Variants in LRRTM4 observed in about 807,000 individuals in gnomAD.
LRRTM4 encodes leucine-rich repeat transmembrane neuronal protein 4.
LRRTM4 carries 25 observed loss-of-function variants against 47.6 expected under a neutral mutation model. That is an observed-to-expected ratio of 0.53 (90% CI 0.38 to 0.73). LRRTM4 has a LOEUF of 0.73. Ranked by LOEUF, LRRTM4 falls within the 30% of genes least tolerant of loss-of-function variation. The pLI, the probability that LRRTM4 is intolerant of heterozygous loss-of-function variation, is 0.00. For synonymous variants in LRRTM4, 311 were observed against 269.5 expected, an observed-to-expected ratio of 1.15 and a Z score of -1.51; for missense variants, 638 against 713.4, an observed-to-expected ratio of 0.89 and a Z score of 1.20.
chr2:76,796,655 T>C, intron 3 of LRRTM4, among the ~76,000 whole-genome samples: 1 of 107,306 alleles, frequency 9.3e-6, no homozygotes, highest in Non-Finnish European at 1.8e-5. Flanking sequence ...CAAAATCCCA[T>C]CTGTGCATCA....
At chr2:76,877,609 TCAGGAATATATAACAAGAA>T (rs1672813322) in intron 3 of LRRTM4, among the ~76,000 whole-genome samples, 2 of 152,162 alleles carry the variant, frequency 1.3e-5, no homozygotes, top group African/African-American at 4.8e-5. Flanking sequence ...TCGGTTTATT[TCAGGAATATATAACAAGAA>T]AATTGACTAT....
intron 3 of LRRTM4, among the ~76,000 whole-genome samples, chr2:77,507,841 G>A (rs777951332): frequency 3.9e-5 from 6 of 152,078 alleles, no homozygotes; most frequent in South Asian, 2.1e-4. Flanking sequence ...CTTAATCACC[G>A]AAGACAAGGT....
At chr2:76,919,420 T>C (rs1421006221) in intron 3 of LRRTM4, among the ~76,000 whole-genome samples, 1 of 152,160 alleles carries the variant, frequency 6.6e-6, no homozygotes. Flanking sequence ...GAGTTCATCT[T>C]CCAGGAGGTA....
intron 3 of LRRTM4, among the ~76,000 whole-genome samples, chr2:77,251,140 TATATATGTGTGTATATATAC>T (rs1184926421): frequency 1.4e-5 from 2 of 141,092 alleles, no homozygotes; most frequent in Admixed American, 7.1e-5. Flanking sequence ...TATATATGTA[TATATATGTGTGTATATATAC>T]ATATATATGT....
At chr2:77,275,508 T>C (rs1266533541) in intron 3 of LRRTM4, among the ~76,000 whole-genome samples, 1 of 152,142 alleles carries the variant, frequency 6.6e-6, no homozygotes, top group Non-Finnish European at 1.5e-5. Context: ...GCAATGTTAT[T>C]GTAAAAAGGT....
At chr2:77,492,215 T>C (rs1387666269) in intron 3 of LRRTM4, among the ~76,000 whole-genome samples, 1 of 152,162 alleles carries the variant, frequency 6.6e-6, no homozygotes, top group Non-Finnish European at 1.5e-5. Context: ...TGTTATAGAA[T>C]TTATCCAGAA....
At chr2:77,249,748 G>T (rs539176196) in intron 3 of LRRTM4, among the ~76,000 whole-genome samples, 1 of 152,130 alleles carries the variant, frequency 6.6e-6, no homozygotes, top group Non-Finnish European at 1.5e-5. Flanking sequence ...TACTTTGGAG[G>T]ACAGTTTAAC....
At chr2:76,874,215 T>A (rs1326993566) in intron 3 of LRRTM4, among the ~76,000 whole-genome samples, 1 of 151,952 alleles carries the variant, frequency 6.6e-6, no homozygotes, top group African/African-American at 2.4e-5. Flanking sequence ...TCATGTCTCA[T>A]CTTAGAAAAC....
intron 3 of LRRTM4, among the ~76,000 whole-genome samples, chr2:77,450,474 A>T (rs1676214913): frequency 6.6e-6 from 1 of 152,196 alleles, no homozygotes; most frequent in Non-Finnish European, 1.5e-5. Context: ...ATAGGAAGAA[A>T]ACAGCTTTAT....
At position 77,136,160 on chromosome 2, in the gene LRRTM4, A is replaced by G. The variant is rs190702614; in HGVS notation, c.1551+382158T>C. Among the ~76,000 whole-genome samples the G allele has an allele frequency of 8.6e-3, 1,313 of 152,232 alleles. 20 individuals are homozygous for G. Among genetic ancestry groups the G allele is most frequent in the African/African-American group, 0.03 (1,256 of 41,546 alleles). Reference sequence around the variant, plus strand: ...CTCCCAGCATGGAGTTTGAGATCTGAGAATGGACAGACTGCCTCCTCAAGT... The same window carrying G: ...CTCCCAGCATGGAGTTTGAGATCTGGGAATGGACAGACTGCCTCCTCAAGT... On this transcript the variant is annotated intron_variant, in intron 3 of 3. Transcript: ENST00000409884.
At chr2:77,008,704 C>T (rs1303501471) in intron 3 of LRRTM4, among the ~76,000 whole-genome samples, 2 of 152,088 alleles carry the variant, frequency 1.3e-5, no homozygotes, top group Non-Finnish European at 2.9e-5. Flanking sequence ...CAATCATGTA[C>T]ATCAACTCAG....
At chr2:77,454,759 C>T (rs1389619775) in intron 3 of LRRTM4, among the ~76,000 whole-genome samples, 1 of 152,088 alleles carries the variant, frequency 6.6e-6, no homozygotes, top group East Asian at 1.9e-4. Context: ...TAACTTTACT[C>T]AATAATGTAT....
At chr2:77,122,541 C>T (rs1671547561) in intron 3 of LRRTM4, among the ~76,000 whole-genome samples, 1 of 150,222 alleles carries the variant, frequency 6.7e-6, no homozygotes, top group African/African-American at 2.4e-5. Flanking sequence ...AATAGATATA[C>T]ACACACACAT....
intron 3 of LRRTM4, among the ~76,000 whole-genome samples, chr2:76,914,396 C>T (rs1674174728): frequency 6.6e-6 from 1 of 152,000 alleles, no homozygotes; most frequent in Non-Finnish European, 1.5e-5. Flanking sequence ...ACTGCATTCC[C>T]TCCACTGTGT....
At chr2:77,111,633 G>C (rs1671252742) in intron 3 of LRRTM4, among the ~76,000 whole-genome samples, 1 of 152,080 alleles carries the variant, frequency 6.6e-6, no homozygotes, top group Admixed American at 6.5e-5. Context: ...CCTGTGTCCA[G>C]GGTCTCCATG....
intron 3 of LRRTM4, among the ~76,000 whole-genome samples, chr2:77,240,994 C>A (rs1268826315): frequency 6.6e-6 from 1 of 151,844 alleles, no homozygotes; most frequent in African/African-American, 2.4e-5. Context: ...AATTGACCTA[C>A]AGAATACATA....
chr2:77,466,316 C>T (rs750474109), intron 3 of LRRTM4, among the ~76,000 whole-genome samples: 16 of 152,106 alleles, frequency 1.1e-4, no homozygotes, highest in Non-Finnish European at 2.4e-4. Context: ...CGAATTAAAT[C>T]GATCTTGGTT....
At chr2:77,297,833 A>C (rs1677015237) in intron 3 of LRRTM4, among the ~76,000 whole-genome samples, 1 of 152,226 alleles carries the variant, frequency 6.6e-6, no homozygotes, top group African/African-American at 2.4e-5. Context: ...GAGCTTCTCC[A>C]AAACATCCAC....
chr2:76,903,083 A>T (rs998381433), intron 3 of LRRTM4, among the ~76,000 whole-genome samples: 2 of 152,296 alleles, frequency 1.3e-5, no homozygotes, highest in Non-Finnish European at 2.9e-5. Context: ...TTACAACTAC[A>T]AAAACTGGCC....
Sources: gnomAD v4.1 joint callset for allele counts (sites outside exome capture counted in the v4.1 genomes callset) on GRCh38, gnomAD v4.1.1 for gene constraint, MANE v1.5 for transcripts, NCBI Gene and HGNC (gene_info 2026-07-23, HGNC 2026-07-21) for gene names.